Variants in LIMA1 observed in about 807,000 individuals in gnomAD.
LIMA1 encodes the protein LIM domain and actin binding 1, also known as LIM domain and actin-binding protein 1.
A neutral mutation model predicts 62.6 loss-of-function variants in LIMA1; 52 were observed. The ratio of observed to expected loss-of-function variants is 0.83; its 90% CI spans 0.67 to 1.05. LIMA1 has a LOEUF of 1.05. Among genes scored for constraint, LIMA1 ranks in the 50% least tolerant of loss-of-function variants. The pLI, the probability that LIMA1 is intolerant of heterozygous loss-of-function variation, is 0.00. For synonymous variants in LIMA1, 302 were observed against 317.8 expected (o/e 0.95, Z 0.53); for missense variants, 780 against 902.2 (o/e 0.86, Z 1.74).
intron 1 of LIMA1, among the ~76,000 whole-genome samples, chr12:50,259,072 A>C (rs894763742): frequency 3.9e-5 from 6 of 152,162 alleles, no homozygotes; most frequent in Non-Finnish European, 8.8e-5. Context: ...AAAAAGCCTA[A>C]CCCCACAGAA....
chr12:50,215,500 C>T (rs1449650938), intron 4 of LIMA1, among the ~76,000 whole-genome samples: 1 of 152,080 alleles, frequency 6.6e-6, no homozygotes, highest in South Asian at 2.1e-4. Context: ...GAGGCAGTCT[C>T]GCTCTGTCGC....
chr12:50,242,268 A>C (rs1476219072), intron 2 of LIMA1, among the ~76,000 whole-genome samples: 2 of 152,128 alleles, frequency 1.3e-5, no homozygotes, highest in Non-Finnish European at 2.9e-5. Context: ...CAGAGAAGCG[A>C]AAGAAGAGGA....
At chr12:50,194,963 G>A (rs547227710) in intron 8 of LIMA1, among the ~76,000 whole-genome samples, 23 of 152,180 alleles carry the variant, frequency 1.5e-4, no homozygotes, top group Non-Finnish European at 2.5e-4. Flanking sequence ...CAGGAGAATC[G>A]CTTGAACCTG....
rs768949099 is a variant in LIMA1 at position 50,283,300 on chromosome 12, A to AG, written c.-24+119dup. On this transcript the variant is annotated intron_variant, in intron 1 of 10. Transcript: ENST00000341247. ...CAGCGTCCCTCGACCCCTTATCTCG[A>AG]GGGGGAGGGACTCACACTCCTTGCA... 10 of 152,154 alleles carry AG rather than the reference A, an allele frequency of 6.6e-5. No individual in the cohort carries two copies. In the East Asian group the frequency reaches 1.6e-3, roughly 24 times the overall value. 9.4% of individuals were successfully genotyped at this position (152,154 alleles called of 1,614,324 possible).
rs201713967 is a variant in LIMA1 at position 50,187,498 on chromosome 12, A to G, written c.1140+4954T>C. The G allele has an allele frequency of 3.3e-5, 5 of 152,162 alleles. No homozygotes were observed. In the East Asian group the frequency reaches 7.7e-4, roughly 23 times the overall value. The allele number at this position is 152,162 out of a possible 1,614,324, so 9.4% of individuals were successfully genotyped here. On this transcript the variant is annotated intron_variant, in intron 9 of 10. Transcript: ENST00000341247. Reference sequence around the variant, plus strand: ...TTCCTCTAATTTTCTGTGAAACTCTATGAAAGCATTTTGGGGAATATTCAT... The same window carrying G: ...TTCCTCTAATTTTCTGTGAAACTCTGTGAAAGCATTTTGGGGAATATTCAT...
chr12:50,214,571 G>A (rs1941311670), intron 4 of LIMA1, among the ~76,000 whole-genome samples: 2 of 152,230 alleles, frequency 1.3e-5, no homozygotes, highest in Non-Finnish European at 2.9e-5. Context: ...CATTTTGGGA[G>A]GCCAAGGTGG....
At chr12:50,184,453 C>G (rs1193839999) in intron 9 of LIMA1, among the ~76,000 whole-genome samples, 1 of 152,150 alleles carries the variant, frequency 6.6e-6, no homozygotes, top group African/African-American at 2.4e-5. Flanking sequence ...AGCAGCCTGG[C>G]CAACATGGTG....
intron 3 of LIMA1, among the ~76,000 whole-genome samples, chr12:50,224,881 G>A (rs1024278047): frequency 2.0e-5 from 3 of 148,980 alleles, no homozygotes; most frequent in African/African-American, 7.5e-5. Context: ...ACAGGTGTAT[G>A]TCAGCATGCC....
intron 2 of LIMA1, among the ~76,000 whole-genome samples, chr12:50,241,001 T>C (rs1204548974): frequency 1.3e-5 from 2 of 152,190 alleles, no homozygotes; most frequent in South Asian, 2.1e-4. Context: ...TGAGAGTTCA[T>C]GTAAGATAAA....
chr12:50,233,453 G>A (rs1299868809), intron 2 of LIMA1, among the ~76,000 whole-genome samples: 1 of 152,186 alleles, frequency 6.6e-6, no homozygotes, highest in Non-Finnish European at 1.5e-5. Flanking sequence ...CACATTGCCT[G>A]TACATGTTGA....
intron 1 of LIMA1, among the ~76,000 whole-genome samples, chr12:50,274,303 A>G (rs1942249572): frequency 6.6e-6 from 1 of 151,966 alleles, no homozygotes; most frequent in African/African-American, 2.4e-5. Flanking sequence ...ATGACAGACA[A>G]GGCCGAGCGC....
chr12:50,184,828 T>TTTTTG (rs1473267094), intron 9 of LIMA1, among the ~76,000 whole-genome samples: 2 of 152,212 alleles, frequency 1.3e-5, no homozygotes, highest in East Asian at 3.9e-4. Flanking sequence ...TTTTTTGTTT[T>TTTTTG]TTTTGTTTTG....
intron 4 of LIMA1, among the ~76,000 whole-genome samples, chr12:50,215,414 CT>C (rs1941326177): frequency 6.6e-6 from 1 of 151,984 alleles, no homozygotes; most frequent in Non-Finnish European, 1.5e-5. Context: ...AGGAAACTTC[CT>C]TTGTTATTTT....
intron 2 of LIMA1, among the ~76,000 whole-genome samples, chr12:50,239,104 G>T (rs1011157914): frequency 1.3e-5 from 2 of 152,038 alleles, no homozygotes; most frequent in Non-Finnish European, 2.9e-5. Context: ...AGTAACGAAA[G>T]AAATAACCAA....
At chr12:50,244,174 C>G (rs1941816084) in intron 2 of LIMA1, among the ~76,000 whole-genome samples, 1 of 152,176 alleles carries the variant, frequency 6.6e-6, no homozygotes, top group Non-Finnish European at 1.5e-5. Flanking sequence ...TCTCGGCTCA[C>G]TGCAACCTCC....
intron 1 of LIMA1, among the ~76,000 whole-genome samples, chr12:50,272,352 G>A (rs1942221695): frequency 2.0e-5 from 3 of 152,086 alleles, no homozygotes; most frequent in Admixed American, 2.0e-4. Flanking sequence ...CACTTTGGGA[G>A]ACCGAGGCGG....
chr12:50,253,146 T>C (rs1410207964), intron 1 of LIMA1, among the ~76,000 whole-genome samples: 1 of 152,076 alleles, frequency 6.6e-6, no homozygotes, highest in Non-Finnish European at 1.5e-5. Flanking sequence ...ACAGTAAATA[T>C]AGAAAGAAGA....
intron 3 of LIMA1, among the ~76,000 whole-genome samples, chr12:50,228,362 T>C (rs184759233): frequency 1.3e-5 from 2 of 152,318 alleles, no homozygotes; most frequent in East Asian, 3.9e-4. Context: ...GCCTCTATTC[T>C]ACCACTCCCA....
intron 9 of LIMA1, chr12:50,187,389 A>G (rs891299528): frequency 3.3e-5 from 5 of 152,144 alleles, no homozygotes; most frequent in African/African-American, 4.8e-5. Context: ...ATTCCTTCCA[A>G]TTTGTGTAAA....
Sources: gnomAD v4.1 joint callset for allele counts (sites outside exome capture counted in the v4.1 genomes callset) on GRCh38, gnomAD v4.1.1 for gene constraint, MANE v1.5 for transcripts, NCBI Gene and HGNC (gene_info 2026-07-23, HGNC 2026-07-21) for gene names.